Variants in SCP2 observed in about 807,000 individuals in gnomAD.
SCP2 encodes sterol carrier protein 2.
SCP2 carries 48 observed loss-of-function variants against 71.4 expected under a neutral mutation model. The ratio of observed to expected loss-of-function variants is 0.67; its 90% CI spans 0.53 to 0.86. The LOEUF is 0.86. Ranked by LOEUF, SCP2 falls within the 40% of genes least tolerant of loss-of-function variation. SCP2 has a pLI of 0.00. For synonymous variants in SCP2, 220 were observed against 218.1 expected (o/e 1.01, Z -0.08); for missense variants, 560 against 655.6 (o/e 0.85, Z 1.59).
At chr1:53,017,364 C>T (rs1661406629) in intron 12 of SCP2, among the ~76,000 whole-genome samples, 1 of 152,176 alleles carries the variant, frequency 6.6e-6, no homozygotes. Context: ...GTCAACCCTT[C>T]TCCTTCTCTT....
intron 13 of SCP2, among the ~76,000 whole-genome samples, chr1:53,034,435 T>C (rs1211522570): frequency 6.6e-6 from 1 of 152,176 alleles, no homozygotes; most frequent in Non-Finnish European, 1.5e-5. Flanking sequence ...GATTTGTGGT[T>C]GCCGGGGACT....
intron 11 of SCP2, among the ~76,000 whole-genome samples, chr1:53,006,168 G>A (rs1447670302): frequency 6.6e-6 from 1 of 152,218 alleles, no homozygotes; most frequent in Non-Finnish European, 1.5e-5. Context: ...GTACCTGAAA[G>A]TGAGGGGGAG....
At chr1:52,955,500 A>G (rs1655713908) in intron 5 of SCP2, among the ~76,000 whole-genome samples, 1 of 152,196 alleles carries the variant, frequency 6.6e-6, no homozygotes, top group Admixed American at 6.5e-5. Context: ...TTACCATGGC[A>G]TCCAGTAAAA....
At chr1:53,025,213 C>T (rs1469955156) in intron 12 of SCP2, among the ~76,000 whole-genome samples, 3 of 149,566 alleles carry the variant, frequency 2.0e-5, no homozygotes, top group South Asian at 2.1e-4. Context: ...ATCTTGCTCC[C>T]GGCTCCTATG....
Position 52,927,369 on chromosome 1 carries a change from C to G in SCP2, c.-28C>G. ...TCAGTGCCGGCAGTCGTCCGCGGCG[C>G]CCGCCCCGGTCCCGCACTGGTGCAG... is the stretch of plus-strand genomic sequence containing the variant. On this transcript the variant is annotated 5_prime_UTR_variant, in exon 1 of 16. Transcript: ENST00000371514. 2 of 1,557,276 alleles carry G rather than the reference C, an allele frequency of 1.3e-6. No homozygotes were observed. Among genetic ancestry groups the G allele is most frequent in the South Asian group, 2.4e-5 (2 of 84,926 alleles).
At position 52,998,600 on chromosome 1, in the gene SCP2, G is replaced by A. The variant is rs114011961; in HGVS notation, c.1081+10464G>A. Among the ~76,000 whole-genome samples, 957 of 147,460 alleles carry A rather than the reference G, an allele frequency of 6.5e-3. 15 individuals are homozygous for A. Among genetic ancestry groups the A allele is most frequent in the African/African-American group, 0.024 (919 of 39,042 alleles). ...ACAAAAATTAGTCAGGCGTGGTGGC[G>A]CACGTCTGTGGTCCCAGCTACCTGT... On this transcript the variant is annotated intron_variant, in intron 11 of 15. Transcript: ENST00000371514.
At position 53,019,515 on chromosome 1, in the gene SCP2, C is replaced by T. The variant is rs767763610; in HGVS notation, c.1235+4472C>T. Among the ~76,000 whole-genome samples, 6 of 152,070 alleles carry T rather than the reference C, an allele frequency of 3.9e-5. 1 individual carries two copies. The highest frequency in any genetic ancestry group is 4.1e-4 in the South Asian group (2 of 4,824). On this transcript the variant is annotated intron_variant, in intron 12 of 15. Transcript: ENST00000371514. Reference sequence around the variant, plus strand: ...CTTTTAGTAGTTCCTTACTTTCTGGCGCAAGAAGATATTCCAGGCTCGTCC... The same window carrying T: ...CTTTTAGTAGTTCCTTACTTTCTGGTGCAAGAAGATATTCCAGGCTCGTCC...
At chr1:52,995,726 C>T in intron 11 of SCP2, 1 of 767,282 alleles carries the variant, frequency 1.3e-6, no homozygotes, top group Non-Finnish European at 2.4e-6. Context: ...GGAGTGGATC[C>T]CCAACAACAT....
chr1:52,988,322 T>A (rs2150186994), intron 11 of SCP2, among the ~76,000 whole-genome samples, 186 bp downstream of exon 11: 1 of 152,328 alleles, frequency 6.6e-6, no homozygotes, highest in Non-Finnish European at 1.5e-5. Context: ...TCTTCATTAA[T>A]TGATGAGAAT....
chr1:53,041,430 G>C (rs773839531), intron 14 of SCP2, among the ~76,000 whole-genome samples: 12 of 151,876 alleles, frequency 7.9e-5, no homozygotes, highest in Non-Finnish European at 1.3e-4. Context: ...GACATGATAG[G>C]AACTTTGAAA....
intron 5 of SCP2, among the ~76,000 whole-genome samples, chr1:52,960,544 A>ATGTATATG (rs1656277157): frequency 6.9e-6 from 1 of 144,660 alleles, no homozygotes; most frequent in African/African-American, 2.6e-5. Context: ...ATATGTATGT[A>ATGTATATG]TATACATGTG....
chr1:52,978,277 T>C lies in SCP2; in HGVS notation c.735T>C (p.Tyr245=). 6.2e-7 allele frequency: 1 copy of C among 1,614,114 alleles called. No homozygotes were observed. Among genetic ancestry groups the C allele is most frequent in the Non-Finnish European group, 8.5e-7 (1 of 1,179,944 alleles). Residue 245 remains tyrosine, a synonymous_variant, in exon 9 of 16, where the codon TAT becomes TAC. Coordinates refer to ENST00000371514, the MANE Select transcript of SCP2 (RefSeq NM_002979.5). ...ILASEAFVQK[Y]GLQSKAVEIL... ...CCAGTGAAGCATTTGTACAGAAGTATGGCCTGCAATCCAAAGCTGTGGAAA... is the reference window on the plus strand; with the variant it reads ...CCAGTGAAGCATTTGTACAGAAGTACGGCCTGCAATCCAAAGCTGTGGAAA...
chr1:53,013,238 C>T (rs532898683), intron 11 of SCP2, among the ~76,000 whole-genome samples: 7 of 150,360 alleles, frequency 4.7e-5, no homozygotes, highest in South Asian at 2.1e-4. Context: ...TCCTCAGCCT[C>T]TTGAGTAGCT....
intron 14 of SCP2, among the ~76,000 whole-genome samples, chr1:53,047,376 A>ATG (rs1663887957): frequency 2.0e-5 from 3 of 152,342 alleles, no homozygotes; most frequent in Admixed American, 2.0e-4. Flanking sequence ...AAGGAAGGGG[A>ATG]TGTACACCAG....
chr1:53,042,266 CTT>C (rs897018748), intron 14 of SCP2, among the ~76,000 whole-genome samples: 1 of 130,412 alleles, frequency 7.7e-6, no homozygotes, highest in Admixed American at 7.9e-5. Context: ...TAGTAGTGAT[CTT>C]TTTTTTTTTT....
chr1:52,995,334 C>T, intron 11 of SCP2: 1 of 477,720 alleles, frequency 2.1e-6, no homozygotes. Flanking sequence ...ATGAGGCCCT[C>T]TATGACATCT....
intron 11 of SCP2, among the ~76,000 whole-genome samples, chr1:52,988,525 G>C (rs1437555918): frequency 6.6e-6 from 1 of 152,056 alleles, no homozygotes; most frequent in African/African-American, 2.4e-5. Context: ...TGGCTCTGCT[G>C]TTGACTGGCT....
chr1:52,977,771 A>T (rs1489958819), intron 8 of SCP2, among the ~76,000 whole-genome samples: 1 of 152,128 alleles, frequency 6.6e-6, no homozygotes, highest in Non-Finnish European at 1.5e-5. Context: ...GACCAACCTG[A>T]CCAACATGGA....
chr1:53,020,561 A>G (rs1661646410), intron 12 of SCP2, among the ~76,000 whole-genome samples: 1 of 152,006 alleles, frequency 6.6e-6, no homozygotes. Flanking sequence ...AGCCTCCAGT[A>G]GTGCTGGGAT....
Sources: allele counts gnomAD v4.1 joint callset (sites outside exome capture counted in the v4.1 genomes callset), GRCh38; gene constraint gnomAD v4.1.1; transcripts MANE v1.5; gene names NCBI Gene and HGNC (gene_info 2026-07-23, HGNC 2026-07-21).